Variants in BMP6 observed in about 807,000 individuals in gnomAD.
BMP6 encodes bone morphogenetic protein 6, also known as VG-1-R.
Under a neutral mutation model 54.1 loss-of-function variants are expected in BMP6, and 17 were observed. That is an observed-to-expected ratio of 0.31 (90% CI 0.22 to 0.47). The LOEUF is 0.47. Among genes scored for constraint, BMP6 ranks in the 20% least tolerant of loss-of-function variants. The probability of loss-of-function intolerance (pLI) is 1.00; values close to 1 mark genes in which losing one functional copy is unlikely to be tolerated. For missense variants in BMP6, 720 were observed against 690.4 expected (o/e 1.04, Z -0.48); for synonymous variants, 328 against 291.2 (o/e 1.13, Z -1.28).
At chr6:7,811,004 G>A (rs1440333537) in intron 1 of BMP6, among the ~76,000 whole-genome samples, 1 of 152,200 alleles carries the variant, frequency 6.6e-6, no homozygotes, top group Non-Finnish European at 1.5e-5. Context: ...AATGTGTAGG[G>A]CCTGATAGGT....
At chr6:7,793,460 C>T (rs1233846263) in intron 1 of BMP6, among the ~76,000 whole-genome samples, 5 of 152,116 alleles carry the variant, frequency 3.3e-5, no homozygotes, top group Admixed American at 1.3e-4. Context: ...TGTCATTATA[C>T]GGTTGCCCAA....
At position 7,880,230 on chromosome 6, in the gene BMP6, T is replaced by C; in HGVS notation, c.1429T>C (p.Cys477Arg). 1 of 1,614,174 alleles carries C rather than the reference T, an allele frequency of 6.2e-7. No homozygotes were observed. The highest frequency in any genetic ancestry group is 8.5e-7 in the Non-Finnish European group (1 of 1,180,032). The part of the protein sequence containing the change: ...LMNPEYVPKP[C>R]CAPTKLNAIS... ...GAACCCCGAGTATGTCCCCAAACCGTGCTGTGCGCCAACTAAGCTAAATGC... is the reference window on the plus strand; with the variant it reads ...GAACCCCGAGTATGTCCCCAAACCGCGCTGTGCGCCAACTAAGCTAAATGC... Residue 477 changes from cysteine to arginine, a missense_variant, in exon 7 of 7, where the codon TGC becomes CGC. Coordinates refer to ENST00000283147, the MANE Select transcript of BMP6 (RefSeq NM_001718.6).
At chr6:7,834,125 G>A (rs1306003911) in intron 1 of BMP6, among the ~76,000 whole-genome samples, 3 of 151,548 alleles carry the variant, frequency 2.0e-5, no homozygotes, top group African/African-American at 7.3e-5. Flanking sequence ...ACATTAAGCC[G>A]GGACTGTCAA....
intron 4 of BMP6, among the ~76,000 whole-genome samples, chr6:7,877,922 G>A (rs912042560): frequency 3.3e-5 from 5 of 152,146 alleles, no homozygotes; most frequent in South Asian, 2.1e-4. Flanking sequence ...GAATCACAGC[G>A]GGAAATGCTG....
intron 1 of BMP6, among the ~76,000 whole-genome samples, chr6:7,758,982 C>G (rs371579662): frequency 6.6e-6 from 1 of 152,222 alleles, no homozygotes; most frequent in East Asian, 1.9e-4. Context: ...AGACCAAGAG[C>G]TCCTAAGAGC....
chr6:7,772,003 G>A (rs112012654), intron 1 of BMP6, among the ~76,000 whole-genome samples: 6,179 of 150,556 alleles, frequency 0.041, 183 homozygotes, highest in Non-Finnish European at 0.062. Flanking sequence ...GCAGTGAGCC[G>A]AGATTGTGCG....
rs537350459 is a variant in BMP6 at position 7,730,368 on chromosome 6, C to T, written c.664+2749C>T. Among the ~76,000 whole-genome samples the T allele has an allele frequency of 2.0e-5, 3 of 152,238 alleles. No homozygotes were observed. The East Asian group carries it at 5.8e-4, about 29-fold the overall frequency. Reference sequence around the variant, plus strand: ...ACTCACCCAGTAGTGCAATTCCAGGCCCCAAGACAGGCTGACACAGAACTG... The same window carrying T: ...ACTCACCCAGTAGTGCAATTCCAGGTCCCAAGACAGGCTGACACAGAACTG... On this transcript the variant is annotated intron_variant, in intron 1 of 6. Transcript: ENST00000283147.
rs182555994 is a variant in BMP6 at position 7,791,364 on chromosome 6, C to T, written c.665-53776C>T. On this transcript the variant is annotated intron_variant, in intron 1 of 6. Coordinates refer to ENST00000283147, the MANE Select transcript of BMP6 (RefSeq NM_001718.6). Reference sequence around the variant, plus strand: ...CGGTGAGATGGATCAGTGACTCTCTCATTGCCACATCTTCTTCCTGTGGGG... The same window carrying T: ...CGGTGAGATGGATCAGTGACTCTCTTATTGCCACATCTTCTTCCTGTGGGG... Among the ~76,000 whole-genome samples, 126 of 152,302 alleles carry T rather than the reference C, an allele frequency of 8.3e-4. 1 individual carries two copies. The highest frequency in any genetic ancestry group is 1.4e-3 in the Non-Finnish European group (98 of 68,008).
At chr6:7,845,614 T>C (rs898067482) in intron 2 of BMP6, among the ~76,000 whole-genome samples, 1 of 152,240 alleles carries the variant, frequency 6.6e-6, no homozygotes. Context: ...GTTAAAATGT[T>C]CCCACTATTG....
intron 4 of BMP6, among the ~76,000 whole-genome samples, chr6:7,878,673 TCC>T (rs869288012): frequency 1.4e-4 from 15 of 109,010 alleles, no homozygotes; most frequent in South Asian, 2.5e-4. Context: ...TTCAAAATGC[TCC>T]CTGTTTGGAC....
chr6:7,853,960 A>G (rs1219427319), intron 2 of BMP6, among the ~76,000 whole-genome samples: 3 of 152,162 alleles, frequency 2.0e-5, no homozygotes, highest in Non-Finnish European at 2.9e-5. Context: ...TCCTCAGCCT[A>G]TGTTCTGTTC....
intron 1 of BMP6, among the ~76,000 whole-genome samples, chr6:7,794,982 G>T (rs747710018): frequency 5.3e-5 from 8 of 152,148 alleles, no homozygotes; most frequent in Non-Finnish European, 1.2e-4. Context: ...CAGGATTCCA[G>T]TACTATCCAT....
intron 4 of BMP6, among the ~76,000 whole-genome samples, chr6:7,874,586 T>C (rs1032767448): frequency 2.6e-5 from 4 of 152,004 alleles, no homozygotes; most frequent in Admixed American, 2.0e-4. Flanking sequence ...AGAAACACCA[T>C]CTATACAAAG....
At chr6:7,783,750 G>T (rs747132674) in intron 1 of BMP6, among the ~76,000 whole-genome samples, 9 of 152,326 alleles carry the variant, frequency 5.9e-5, no homozygotes, top group African/African-American at 2.2e-4. Flanking sequence ...TGGCTGGGGA[G>T]ACCTCCTCAT....
intron 4 of BMP6, among the ~76,000 whole-genome samples, chr6:7,871,349 C>T (rs1164546389): frequency 6.6e-6 from 1 of 152,236 alleles, no homozygotes; most frequent in Non-Finnish European, 1.5e-5. Context: ...CAATTAACAT[C>T]TGATACATTC....
chr6:7,760,293 A>G (rs1298240425), intron 1 of BMP6, among the ~76,000 whole-genome samples: 2 of 152,010 alleles, frequency 1.3e-5, no homozygotes, highest in African/African-American at 4.8e-5. Flanking sequence ...TGAAATTATA[A>G]TTTATTTGTT....
intron 1 of BMP6, among the ~76,000 whole-genome samples, chr6:7,814,371 A>T (rs1233971676): frequency 6.6e-6 from 1 of 152,224 alleles, no homozygotes; most frequent in Non-Finnish European, 1.5e-5. Flanking sequence ...AAATTTGCTT[A>T]AAACAGCCAG....
At chr6:7,779,508 T>C (rs958703508) in intron 1 of BMP6, among the ~76,000 whole-genome samples, 1 of 151,846 alleles carries the variant, frequency 6.6e-6, no homozygotes, top group Non-Finnish European at 1.5e-5. Flanking sequence ...CCAGGCTAAT[T>C]TTTATATATT....
intron 1 of BMP6, among the ~76,000 whole-genome samples, chr6:7,815,502 TAATA>T (rs1377193872): frequency 6.6e-6 from 1 of 152,212 alleles, no homozygotes; most frequent in Non-Finnish European, 1.5e-5. Context: ...AATAAATGTT[TAATA>T]AATAGTACCT....
Sources: gnomAD v4.1 joint callset for allele counts (sites outside exome capture counted in the v4.1 genomes callset) on GRCh38, gnomAD v4.1.1 for gene constraint, MANE v1.5 for transcripts, NCBI Gene and HGNC (gene_info 2026-07-23, HGNC 2026-07-21) for gene names.